The following GPC6 variants were observed in gnomAD, a reference collection of about 807,000 sequenced individuals.
GPC6 encodes the protein glypican 6, also known as glypican-6.
GPC6 carries 14 observed loss-of-function variants against 55.2 expected under a neutral mutation model. That is an observed-to-expected ratio of 0.25 (90% CI 0.17 to 0.40). The LOEUF (loss-of-function observed/expected upper bound fraction) is 0.40, where lower values mean the gene tolerates loss of function less well. Ranked by LOEUF, GPC6 falls within the 10% of genes least tolerant of loss-of-function variation. GPC6 has a pLI of 1.00. For synonymous variants in GPC6, 278 were observed against 259.6 expected, an observed-to-expected ratio of 1.07 and a Z score of -0.68; for missense variants, 641 against 708.5, an observed-to-expected ratio of 0.90 and a Z score of 1.08.
Position 93,268,943 on chromosome 13 carries a change from G to A in GPC6, c.160+41327G>A, listed in dbSNP as rs190109930. 3.2e-3 allele frequency among the ~76,000 whole-genome samples: 482 copies of A among 152,188 alleles called. 3 individuals are homozygous for A. Among genetic ancestry groups the A allele is most frequent in the Non-Finnish European group, 4.7e-3 (319 of 68,010 alleles). ...CTCCTGTTCTCTAGGAATCCTGACT[G>A]GAGCTTTGCCAAGGTCAGAACCTCT... On this transcript the variant is annotated intron_variant, in intron 1 of 8. Transcript: ENST00000377047.
At chr13:94,122,184 AT>A (rs910878579) in intron 4 of GPC6, among the ~76,000 whole-genome samples, 1 of 152,026 alleles carries the variant, frequency 6.6e-6, no homozygotes, top group East Asian at 1.9e-4. Flanking sequence ...GAAAGCCACA[AT>A]TTTTTTTAAA....
intron 4 of GPC6, among the ~76,000 whole-genome samples, chr13:94,095,744 G>C (rs1885633559): frequency 6.6e-6 from 1 of 152,274 alleles, no homozygotes; most frequent in South Asian, 2.1e-4. Context: ...GAGATAGATG[G>C]AGGGGGAGAA....
intron 2 of GPC6, among the ~76,000 whole-genome samples, chr13:93,591,171 A>G (rs74419457): frequency 1.3e-5 from 2 of 150,656 alleles, no homozygotes; most frequent in Admixed American, 6.6e-5. Flanking sequence ...AAAAAAAAAA[A>G]GGAAATCACC....
At chr13:93,998,899 T>C (rs1308630725) in intron 3 of GPC6, among the ~76,000 whole-genome samples, 1 of 152,132 alleles carries the variant, frequency 6.6e-6, no homozygotes, top group Non-Finnish European at 1.5e-5. Context: ...TTAACTATAG[T>C]CACTATGTTG....
intron 1 of GPC6, among the ~76,000 whole-genome samples, chr13:93,265,976 C>T (rs1877310869): frequency 6.6e-6 from 1 of 151,956 alleles, no homozygotes; most frequent in Non-Finnish European, 1.5e-5. Flanking sequence ...GTTTATATAA[C>T]AGAAATTGGC....
intron 1 of GPC6, among the ~76,000 whole-genome samples, chr13:93,387,946 C>A (rs1875468711): frequency 1.3e-5 from 2 of 152,030 alleles, no homozygotes; most frequent in Admixed American, 6.6e-5. Context: ...GGTCTTAGTT[C>A]CCAATATATA....
chr13:94,018,015 C>A lies in GPC6; in HGVS notation c.712-9714C>A, dbSNP rs543780345. Among the ~76,000 whole-genome samples, 22 of 152,244 alleles carry A rather than the reference C, an allele frequency of 1.4e-4. 1 individual carries two copies. In the South Asian group the frequency reaches 4.2e-3, roughly 29 times the overall value. ...CCTTGTCCTTATCTTAGAGAGAAAT[C>A]TTTCAGTCTTATATCATTGAATATG... is the stretch of plus-strand genomic sequence containing the variant. On this transcript the variant is annotated intron_variant, in intron 3 of 8. Coordinates refer to ENST00000377047, the MANE Select transcript of GPC6 (RefSeq NM_005708.5).
chr13:93,308,153 C>T (rs973179847), intron 1 of GPC6, among the ~76,000 whole-genome samples: 5 of 152,162 alleles, frequency 3.3e-5, no homozygotes, highest in East Asian at 3.9e-4. Context: ...GGCCTGGTGG[C>T]GGGCGCCTGC....
intron 4 of GPC6, among the ~76,000 whole-genome samples, chr13:94,063,343 T>A (rs1425845898): frequency 6.6e-6 from 1 of 152,186 alleles, no homozygotes; most frequent in East Asian, 1.9e-4. Context: ...TTCAACAAAG[T>A]ATTTGGATGT....
intron 4 of GPC6, among the ~76,000 whole-genome samples, chr13:94,274,610 T>C (rs1276611208): frequency 1.3e-5 from 2 of 152,116 alleles, no homozygotes; most frequent in African/African-American, 4.8e-5. Context: ...CAATTTGATG[T>C]TTACTGAATG....
At chr13:93,838,793 C>G (rs1012344738) in intron 3 of GPC6, among the ~76,000 whole-genome samples, 15 of 152,214 alleles carry the variant, frequency 9.9e-5, no homozygotes, top group African/African-American at 3.6e-4. Context: ...TCCAGCTCAA[C>G]AGCCACGATG....
intron 4 of GPC6, among the ~76,000 whole-genome samples, chr13:94,083,544 G>A (rs1285145138): frequency 3.3e-5 from 5 of 152,172 alleles, no homozygotes; most frequent in African/African-American, 1.2e-4. Flanking sequence ...CTTTATCACT[G>A]CTATAGCCCT....
intron 4 of GPC6, among the ~76,000 whole-genome samples, chr13:94,067,604 TAG>T (rs1594709476): frequency 6.6e-6 from 1 of 151,302 alleles, no homozygotes; most frequent in East Asian, 1.9e-4. Context: ...GATAGATAGA[TAG>T]ATAGATAGAT....
chr13:93,504,701 AAAAT>A (rs1233269878), intron 1 of GPC6, among the ~76,000 whole-genome samples: 1 of 152,006 alleles, frequency 6.6e-6, no homozygotes, highest in Non-Finnish European at 1.5e-5. Flanking sequence ...CTTAAAAAGA[AAAAT>A]AACATTTCCA....
At chr13:94,190,063 C>T (rs1247982697) in intron 4 of GPC6, among the ~76,000 whole-genome samples, 1 of 151,522 alleles carries the variant, frequency 6.6e-6, no homozygotes, top group Admixed American at 6.6e-5. Context: ...GTGGCTCACA[C>T]CTGTAATCCC....
intron 4 of GPC6, among the ~76,000 whole-genome samples, chr13:94,189,754 G>C (rs1353292676): frequency 6.6e-6 from 1 of 152,196 alleles, no homozygotes; most frequent in African/African-American, 2.4e-5. Context: ...AGGCGCGGTG[G>C]CTTACGCCTG....
chr13:93,229,713 A>C (rs1276201422), intron 1 of GPC6, among the ~76,000 whole-genome samples: 2 of 147,602 alleles, frequency 1.4e-5, no homozygotes, highest in Non-Finnish European at 3.0e-5. Flanking sequence ...AAATGTGTGC[A>C]CTTTTTTTTT....
chr13:94,391,058 A>C (rs564347804), intron 7 of GPC6, among the ~76,000 whole-genome samples: 5 of 152,230 alleles, frequency 3.3e-5, no homozygotes, highest in African/African-American at 1.2e-4. Context: ...AGTTCCTGCC[A>C]ATGAATTAAG....
At chr13:94,190,509 AT>A (rs966242279) in intron 4 of GPC6, among the ~76,000 whole-genome samples, 1 of 152,160 alleles carries the variant, frequency 6.6e-6, no homozygotes. Context: ...ATTGCTCCAG[AT>A]TGAGGGACAC....
Sources: gnomAD v4.1 joint callset for allele counts (sites outside exome capture counted in the v4.1 genomes callset) on GRCh38, gnomAD v4.1.1 for gene constraint, MANE v1.5 for transcripts, NCBI Gene and HGNC (gene_info 2026-07-23, HGNC 2026-07-21) for gene names.